CCNL2: variants seen among roughly 807,000 people sequenced by gnomAD.
CCNL2 encodes cyclin L2.
In CCNL2, 28 loss-of-function variants were observed where a neutral mutation model predicts 59.1. The observed-to-expected ratio is 0.47, with a 90% CI of 0.35 to 0.65. The LOEUF is 0.65. Among genes scored for constraint, CCNL2 ranks in the 30% least tolerant of loss-of-function variants. The pLI, the probability that CCNL2 is intolerant of heterozygous loss-of-function variation, is 0.00. For missense variants in CCNL2, 714 were observed against 717.4 expected (o/e 1.00, Z 0.05); for synonymous variants, 342 against 288.6 (o/e 1.19, Z -1.88).
intron 5 of CCNL2, chr1:1,392,350 T>G: frequency 9.8e-7 from 1 of 1,024,362 alleles, no homozygotes; most frequent in Non-Finnish European, 1.2e-6. Flanking sequence ...CATGAAATAA[T>G]TTAAAGATGC....
chr1:1,391,091 G>GA (rs879413706), intron 5 of CCNL2: 74,227 of 862,146 alleles, frequency 0.086, 55 homozygotes, highest in Non-Finnish European at 0.093. Flanking sequence ...GAAATTATTA[G>GA]AAAAAAAAAA....
At position 1,390,584 on chromosome 1, in the gene CCNL2, A is replaced by T. The variant is rs1229847804; in HGVS notation, c.760-21T>A. On this transcript the variant is annotated intron_variant, in intron 6 of 10. Transcript: ENST00000400809. ...GGGATCTGTAAAAACAAACACTATCATCATTACACTTTCCTCAACTTCACG... is the reference window on the plus strand; with the variant it reads ...GGGATCTGTAAAAACAAACACTATCTTCATTACACTTTCCTCAACTTCACG... The T allele has an allele frequency of 3.2e-6, 5 of 1,583,040 alleles. No homozygotes were observed. In the Admixed American group the frequency reaches 6.8e-5, roughly 22 times the overall value.
In CCNL2 at chr1:1,390,263, C is replaced by T; in HGVS notation, c.973G>A (p.Gly325Ser). Residue 325 changes from glycine to serine, a missense_variant, in exon 8 of 11, where the codon GGT (glycine) becomes AGT (serine). Gly to Ser is a moderately conservative substitution (Grantham distance 56). Coordinates refer to ENST00000400809, the MANE Select transcript of CCNL2 (RefSeq NM_030937.6). ...LLPGGTQVLD[G>S]TSGFSPAPKL... ...GGGGCAGGAGAGAACCCCGAGGTAC[C>T]ATCCAGCACCTGTGTGCCCCCAGGC... 2 of 1,613,082 alleles carry T rather than the reference C, an allele frequency of 1.2e-6. No individual in the cohort carries two copies. The highest frequency in any genetic ancestry group is 1.7e-6 in the Non-Finnish European group (2 of 1,179,194).
chr1:1,388,211 C>CT, intron 8 of CCNL2, 146 bp from the exon 9 acceptor site: 1 of 648,712 alleles, frequency 1.5e-6, no homozygotes, highest in East Asian at 2.6e-5. Context: ...GGACCCAGAA[C>CT]TTACACAGAC....
intron 8 of CCNL2, among the ~76,000 whole-genome samples, chr1:1,389,947 ACT>A (rs1557714444): frequency 2.0e-5 from 3 of 151,838 alleles, no homozygotes; most frequent in East Asian, 1.9e-4. Flanking sequence ...CTGGAGCAAG[ACT>A]CTGTCTCAAA....
intron 5 of CCNL2, chr1:1,391,488 T>C: frequency 7.8e-7 from 1 of 1,285,860 alleles, no homozygotes; most frequent in Non-Finnish European, 1.0e-6. Flanking sequence ...CGTGGGAGCA[T>C]CGTGCGGAGG....
chr1:1,391,290 T>C, intron 5 of CCNL2: 3 of 1,141,502 alleles, frequency 2.6e-6, no homozygotes, highest in Non-Finnish European at 3.3e-6. Context: ...CAGAGAAACA[T>C]GCAAACTCAA....
At chr1:1,390,710 G>C in intron 6 of CCNL2, 56 bp downstream of exon 6, 1 of 1,540,728 alleles carries the variant, frequency 6.5e-7, no homozygotes, top group Non-Finnish European at 9.0e-7. Context: ...AAGTTTACTG[G>C]AGGCTGGAGA....
chr1:1,395,447 T>G lies in CCNL2; in HGVS notation c.541A>C (p.Arg181=). The change falls in exon 4 of 11, where the codon AGA becomes CGA. Residue 181 remains arginine, a synonymous_variant. Transcript: ENST00000400809. ...NLKNQIIKAE[R]RVLKELGFCV... is the part of the protein sequence containing the mutation. ...AAACCCAACTCTTTGAGAACTCGTC[T>G]TTCCGCCTTTATAATTTGGTTCTTT... is the stretch of plus-strand genomic sequence containing the variant. 6.2e-7 allele frequency: 1 copy of G among 1,614,194 alleles called. No individual in the cohort carries two copies. The highest frequency in any genetic ancestry group is 8.5e-7 in the Non-Finnish European group (1 of 1,180,044).
At chr1:1,398,481 G>A (rs796219432) in intron 2 of CCNL2, 116 bp downstream of exon 2, 28 of 1,574,798 alleles carry the variant, frequency 1.8e-5, no homozygotes, top group South Asian at 1.1e-4. Context: ...AGAACCCTCC[G>A]GCACAGAGCT....
chr1:1,393,071 C>T, intron 5 of CCNL2: 1 of 594,232 alleles, frequency 1.7e-6, no homozygotes, highest in Non-Finnish European at 3.0e-6. Flanking sequence ...ACCAAGTCTG[C>T]ACTAGCCTGT....
chr1:1,387,170 G>C lies in CCNL2; in HGVS notation c.*61C>G. On this transcript the variant is annotated 3_prime_UTR_variant, in exon 11 of 11. Coordinates refer to ENST00000400809, the MANE Select transcript of CCNL2 (RefSeq NM_030937.6). The stretch of plus-strand genomic sequence containing the variant: ...CAAAGGGCAGCCACCGGGGGTCAAA[G>C]GGCAGCCATCAGGTACTCCCCAGGG... The C allele has an allele frequency of 7.1e-7, 1 of 1,411,640 alleles. No homozygotes were observed. The highest frequency in any genetic ancestry group is 9.7e-7 in the Non-Finnish European group (1 of 1,028,656). The allele number at this position is 1,411,640 out of a possible 1,614,324, so 87.4% of individuals were successfully genotyped here.
chr1:1,387,525 G>C lies in CCNL2; in HGVS notation c.1269C>G (p.Ser423Arg). 2 of 1,551,150 alleles carry C rather than the reference G, an allele frequency of 1.3e-6. No homozygotes were observed. The highest frequency in any genetic ancestry group is 1.7e-6 in the Non-Finnish European group (2 of 1,152,088). Residue 423 changes from serine (S) to arginine (R), a missense_variant, in exon 11 of 11, where the codon AGC (serine) becomes AGG (arginine). Ser to Arg is a moderately radical substitution (Grantham distance 110). This residue lies in a region of CCNL2 where 403 missense variants were observed against 377.7 expected (regional missense o/e 1.07). Transcript: ENST00000400809. ...CCTGTCTCGGTGGGGAGTCACTCCT[G>C]CTCCGGGAGCGGCTCTGCGACTTGG... is the stretch of plus-strand genomic sequence containing the variant. The part of the protein sequence containing the change: ...GGSKSQSRSR[S>R]RSDSPPRQAP...
At chr1:1,396,296 TCA>T (rs1440348982) in intron 3 of CCNL2, among the ~76,000 whole-genome samples, 2 of 151,156 alleles carry the variant, frequency 1.3e-5, no homozygotes, top group African/African-American at 4.9e-5. Flanking sequence ...AGATGGAGTC[TCA>T]CTCTGTTGCC....
chr1:1,395,566 T>C, intron 3 of CCNL2, 52 bp from the exon 4 acceptor site: 1 of 1,606,600 alleles, frequency 6.2e-7, no homozygotes, highest in Non-Finnish European at 8.5e-7. Flanking sequence ...GAGCAAGGCT[T>C]CTGAGATCCC....
intron 8 of CCNL2, 63 bp downstream of exon 8, chr1:1,390,167 C>A: frequency 6.9e-7 from 1 of 1,450,842 alleles, no homozygotes; most frequent in Non-Finnish European, 9.4e-7. Context: ...AGAATGGAGG[C>A]GGGGGAGAGT....
rs559094253 is a variant in CCNL2 at position 1,387,862 on chromosome 1, T to C, written c.1126A>G (p.Lys376Glu). Residue 376 changes from lysine (K) to glutamate (E), a missense_variant, in exon 10 of 11, where the codon AAG becomes GAG. By Grantham distance (56) the Lys-to-Glu change is moderately conservative. Around this residue, in one of 5 missense-constraint regions of CCNL2, gnomAD observed 403 missense variants for 377.7 expected, o/e 1.07. Transcript: ENST00000400809. ...CTCCGACTCCGACTCTCTCGCCCCTTTGGCAAGCTGTGAACAGGACAGGAG... is the reference window on the plus strand; with the variant it reads ...CTCCGACTCCGACTCTCTCGCCCCTCTGGCAAGCTGTGAACAGGACAGGAG... ...KADSPVNGLP[K>E]GRESRSRSRS... 2 of 1,613,854 alleles carry C rather than the reference T, an allele frequency of 1.2e-6. No individual in the cohort carries two copies. Among genetic ancestry groups the C allele is most frequent in the African/African-American group, 1.3e-5 (1 of 75,058 alleles).
At chr1:1,392,721 T>C in intron 5 of CCNL2, 1 of 1,595,168 alleles carries the variant, frequency 6.3e-7, no homozygotes, top group Non-Finnish European at 8.5e-7. Context: ...CTGCACTGGA[T>C]TGGCTGAAGA....
At chr1:1,388,733 T>C (rs1019298132) in intron 8 of CCNL2, 3 of 372,284 alleles carry the variant, frequency 8.1e-6, no homozygotes, top group African/African-American at 7.4e-5. Flanking sequence ...ATAGCGCCAC[T>C]GCACTCCAGG....
Sources: gnomAD v4.1 joint callset for allele counts (sites outside exome capture counted in the v4.1 genomes callset) on GRCh38, gnomAD v4.1.1 for gene constraint, gnomAD v4.1.1 regional missense constraint, MANE v1.5 for transcripts, NCBI Gene and HGNC (gene_info 2026-07-23, HGNC 2026-07-21) for gene names.